Variants in RALY observed in about 807,000 individuals in gnomAD.
RALY encodes RNA-binding protein Raly.
Under a neutral mutation model 30.7 loss-of-function variants are expected in RALY, and 15 were observed. The ratio of observed to expected loss-of-function variants is 0.49; its 90% CI spans 0.33 to 0.75. The LOEUF (loss-of-function observed/expected upper bound fraction) is 0.75. RALY is among the 30% of genes least tolerant of loss of function. RALY has a pLI of 0.02. For missense variants in RALY, 339 were observed against 414.3 expected (o/e 0.82, Z 1.58); for synonymous variants, 177 against 170.8 (o/e 1.04, Z -0.28).
In RALY at chr20:34,073,838, G is replaced by C. The variant is rs1282879621; in HGVS notation, c.349G>C (p.Asp117His). 3 of 1,614,134 alleles carry C rather than the reference G, an allele frequency of 1.9e-6. No individual in the cohort carries two copies. Among genetic ancestry groups the C allele is most frequent in the Non-Finnish European group, 2.5e-6 (3 of 1,179,994 alleles). The part of the protein sequence containing the change: ...AIYSGYIFDY[D>H]YYRDDFYDRL... Reference sequence around the variant, plus strand: ...CCCCAGTGGCTACATCTTTGACTATGATTACTACCGGGACGACTTCTACGA... The same window carrying C: ...CCCCAGTGGCTACATCTTTGACTATCATTACTACCGGGACGACTTCTACGA... Residue 117 changes from aspartate (D) to histidine (H), a missense_variant, in exon 5 of 10, where the codon GAT becomes CAT. Transcript: ENST00000246194.
chr20:34,076,343 G>A (rs1184572011), intron 6 of RALY: 1 of 508,092 alleles, frequency 2.0e-6, no homozygotes, highest in East Asian at 3.5e-5. Flanking sequence ...CATTCACTCT[G>A]GTACACACAT....
At chr20:34,063,217 A>T (rs117184693) in intron 2 of RALY, among the ~76,000 whole-genome samples, 93 of 152,344 alleles carry the variant, frequency 6.1e-4, no homozygotes, top group Admixed American at 9.2e-4. Flanking sequence ...TAAGTACTCC[A>T]CAAGTATTGA....
intron 1 of RALY, among the ~76,000 whole-genome samples, chr20:34,010,323 G>T (rs2031346031): frequency 6.6e-6 from 1 of 152,090 alleles, no homozygotes; most frequent in Non-Finnish European, 1.5e-5. Context: ...CTACCTCCCG[G>T]GCTCAGGTGG....
rs961533251 is a variant in RALY at position 34,081,573 on chromosome 20, C to T, written c.*1668C>T. 6.6e-6 allele frequency: 1 copy of T among 152,260 alleles called. No individual in the cohort carries two copies. Among genetic ancestry groups the T allele is most frequent in the Non-Finnish European group, 1.5e-5 (1 of 68,064 alleles). 9.4% of individuals were successfully genotyped at this position (152,260 alleles called of 1,614,324 possible). ...TTATTGAAAACTCCCCATTTCAAAC[C>T]AACCCGGTCTACAGCCTCCAGGGAA... On this transcript the variant is annotated 3_prime_UTR_variant, in exon 10 of 10. Coordinates refer to ENST00000246194, the MANE Select transcript of RALY (RefSeq NM_016732.3).
chr20:34,056,278 T>C (rs929649136), intron 2 of RALY, among the ~76,000 whole-genome samples: 9 of 152,246 alleles, frequency 5.9e-5, no homozygotes, highest in Non-Finnish European at 4.4e-5. Context: ...CTCTTACCTG[T>C]GTGTGGGTTA....
intron 1 of RALY, among the ~76,000 whole-genome samples, chr20:34,025,240 G>A (rs1050200457): frequency 2.6e-5 from 4 of 151,974 alleles, no homozygotes; most frequent in African/African-American, 7.3e-5. Context: ...CCTAGAGAAC[G>A]CAGCTTCCCT....
At chr20:34,039,151 G>T (rs916622495) in intron 2 of RALY, among the ~76,000 whole-genome samples, 1 of 152,184 alleles carries the variant, frequency 6.6e-6, no homozygotes, top group African/African-American at 2.4e-5. Flanking sequence ...TCTCAACTTC[G>T]GTCCTGCTTA....
rs1198640767 is a variant in RALY at position 34,077,032 on chromosome 20, CAAG to C, written c.670_672del (p.Lys224del). 8 of 1,608,116 alleles carry C rather than the reference CAAG, an allele frequency of 5.0e-6. No homozygotes were observed. The East Asian group carries it at 9.0e-5, about 18-fold the overall frequency. Reference sequence around the variant, plus strand: ...CCTCCACCCCTTCCCCTCAAGATGGCAAGAAGAAGGGTGATGGAGGTGGCGCCG... The same window carrying C: ...CCTCCACCCCTTCCCCTCAAGATGGCAAGAAGGGTGATGGAGGTGGCGCCG... On this transcript the variant is annotated inframe_deletion, in exon 8 of 10. Transcript: ENST00000246194.
At chr20:34,026,753 T>C (rs1180954414) in intron 1 of RALY, among the ~76,000 whole-genome samples, 1 of 152,036 alleles carries the variant, frequency 6.6e-6, no homozygotes, top group African/African-American at 2.4e-5. Context: ...TTTTCTCTGC[T>C]CCCTGCCTTT....
At chr20:34,024,715 T>G (rs769198070) in intron 1 of RALY, among the ~76,000 whole-genome samples, 25 of 152,152 alleles carry the variant, frequency 1.6e-4, no homozygotes, top group Non-Finnish European at 3.1e-4. Context: ...ATGGGAGGGT[T>G]TTACTGACCC....
chr20:34,017,778 A>G (rs189819246), intron 1 of RALY: 1 of 152,316 alleles, frequency 6.6e-6, no homozygotes, highest in African/African-American at 2.4e-5. Context: ...GGTCAGACCA[A>G]ATTCCTCCTA....
At position 34,031,589 on chromosome 20, in the gene RALY, C is replaced by T. The variant is rs1020453898; in HGVS notation, c.-25C>T. ...CCAAAGGAGGAAACAGCTGGCTAAG[C>T]TCATCATTGTTACTGGTGAGTGAGG... On this transcript the variant is annotated 5_prime_UTR_variant, in exon 2 of 10. Coordinates refer to ENST00000246194, the MANE Select transcript of RALY (RefSeq NM_016732.3). The T allele has an allele frequency of 2.0e-5, 3 of 152,176 alleles. No homozygotes were observed. The highest frequency in any genetic ancestry group is 2.9e-5 in the Non-Finnish European group (2 of 68,068). 9.4% of individuals were successfully genotyped at this position (152,176 alleles called of 1,614,324 possible). A position where few individuals can be genotyped will look rare whatever the true frequency, so the allele number is the denominator to read the frequency against.
intron 2 of RALY, chr20:34,065,029 G>A (rs934701548): frequency 3.3e-5 from 5 of 152,248 alleles, no homozygotes; most frequent in Admixed American, 2.6e-4. Context: ...CTAAGAAATC[G>A]TTTTTAAAAA....
At position 34,076,798 on chromosome 20, in the gene RALY, A is replaced by G. The variant is rs1253287818; in HGVS notation, c.641A>G (p.Glu214Gly). The G allele has an allele frequency of 6.2e-7, 1 of 1,613,908 alleles. No individual in the cohort carries two copies. The highest frequency in any genetic ancestry group is 1.7e-5 in the Admixed American group (1 of 59,996). ...AGCCGCTTGGAGCAGATCGCTGCGG[A>G]GCAAAAGGCCAATCCAGGTCAGCCT... ...LLSRLEQIAA[E>G]QKANPDGKKK... is the part of the protein sequence containing the mutation. Residue 214 changes from glutamate (E) to glycine (G), a missense_variant, in exon 7 of 10, where the codon GAG becomes GGG. Physicochemically the swap from Glu to Gly is moderately conservative, Grantham distance 98 (BLOSUM62 -2). Around this residue, in one of 2 missense-constraint regions of RALY, gnomAD observed 268 missense variants for 280.6 expected, o/e 0.95. Coordinates refer to ENST00000246194, the MANE Select transcript of RALY (RefSeq NM_016732.3).
At chr20:34,035,175 A>AAAAAAAAAAC (rs2032444014) in intron 2 of RALY, among the ~76,000 whole-genome samples, 1 of 138,792 alleles carries the variant, frequency 7.2e-6, no homozygotes, top group Non-Finnish European at 1.5e-5. Flanking sequence ...AAAAAAAAAA[A>AAAAAAAAAAC]AAAAAAAAAA....
chr20:34,002,661 AT>A (rs1469936233), intron 1 of RALY, among the ~76,000 whole-genome samples: 5 of 152,132 alleles, frequency 3.3e-5, no homozygotes, highest in Non-Finnish European at 4.4e-5. Flanking sequence ...TTTTACAGAT[AT>A]TTATCCTCTG....
chr20:34,009,763 C>T (rs1179149759), intron 1 of RALY, among the ~76,000 whole-genome samples: 1 of 152,142 alleles, frequency 6.6e-6, no homozygotes, highest in Admixed American at 6.5e-5. Flanking sequence ...CATATTTGTT[C>T]TCAAGTTTGT....
intron 2 of RALY, among the ~76,000 whole-genome samples, chr20:34,059,979 G>A (rs1283056459): frequency 2.0e-5 from 3 of 152,152 alleles, no homozygotes; most frequent in Non-Finnish European, 4.4e-5. Flanking sequence ...TTCCTTATGA[G>A]CTCTGGCAGC....
At chr20:34,075,799 T>C in intron 5 of RALY, 75 bp from the exon 6 acceptor site, 2 of 1,483,842 alleles carry the variant, frequency 1.3e-6, no homozygotes, top group Non-Finnish European at 1.8e-6. Flanking sequence ...GCCACACACG[T>C]TTGTAGCCGG....
Sources: allele counts gnomAD v4.1 joint callset (sites outside exome capture counted in the v4.1 genomes callset), GRCh38; gene constraint gnomAD v4.1.1; regional missense constraint gnomAD v4.1.1; transcripts MANE v1.5; gene names NCBI Gene and HGNC (gene_info 2026-07-23, HGNC 2026-07-21).